C10orf53: variants seen among roughly 807,000 people sequenced by gnomAD.
The protein encoded by C10orf53 is UPF0728 protein C10orf53.
Under a neutral mutation model 9.4 loss-of-function variants are expected in C10orf53, and 8 were observed. The ratio of observed to expected loss-of-function variants is 0.85; its 90% CI spans 0.50 to 1.53. The LOEUF (loss-of-function observed/expected upper bound fraction) is 1.53. Among genes scored for constraint, C10orf53 ranks in the 40% most tolerant of loss-of-function variants. The probability of loss-of-function intolerance (pLI) is 0.00; values close to 1 mark genes in which losing one functional copy is unlikely to be tolerated. For missense variants in C10orf53, 117 were observed against 117.8 expected, an observed-to-expected ratio of 0.99 and a Z score of 0.03; for synonymous variants, 48 against 46.0, an observed-to-expected ratio of 1.04 and a Z score of -0.18.
intron 1 of C10orf53, among the ~76,000 whole-genome samples, chr10:49,680,486 G>A (rs1387307930): frequency 6.6e-6 from 1 of 152,208 alleles, no homozygotes; most frequent in Non-Finnish European, 1.5e-5. Context: ...CAGGCAGAGG[G>A]ACTAATAATA....
intron 1 of C10orf53, among the ~76,000 whole-genome samples, chr10:49,681,050 T>G (rs995178976): frequency 3.9e-5 from 6 of 152,234 alleles, no homozygotes; most frequent in African/African-American, 1.2e-4. Flanking sequence ...ATGGTTCCAC[T>G]TAACGATTTT....
chr10:49,687,053 A>G (rs555264724), intron 1 of C10orf53, among the ~76,000 whole-genome samples: 18 of 152,322 alleles, frequency 1.2e-4, no homozygotes, highest in South Asian at 2.1e-4. Context: ...CTTTTCTTTG[A>G]TTCAGTATTC....
chr10:49,703,479 A>G (rs764988312), intron 2 of C10orf53, among the ~76,000 whole-genome samples: 38 of 152,354 alleles, frequency 2.5e-4, no homozygotes, highest in Non-Finnish European at 4.6e-4. Context: ...TGTTTAGCCA[A>G]GCAGCAGCGT....
At chr10:49,709,147 C>A in exon 3 of C10orf53, 1 of 159,092 alleles carries the variant, frequency 6.3e-6, no homozygotes, top group Non-Finnish European at 1.4e-5. Flanking sequence ...CCTCTCCACA[C>A]TGTGAGTCTT....
chr10:49,704,006 A>C (rs1418961106), intron 2 of C10orf53, among the ~76,000 whole-genome samples: 1 of 152,218 alleles, frequency 6.6e-6, no homozygotes, highest in African/African-American at 2.4e-5. Context: ...CACCATCTGG[A>C]GGAGCAACGC....
chr10:49,696,973 G>A lies in C10orf53; in HGVS notation c.*2371G>A, dbSNP rs1362762235. On this transcript the variant is annotated 3_prime_UTR_variant, in exon 3 of 3. Coordinates refer to ENST00000374111, the MANE Select transcript of C10orf53 (RefSeq NM_001042427.3). ...TTGGGAATCCAAGGTGGGTGGATTT[G>A]TTTGAACACAGGAGTTCGAGAGCAG... 6.6e-6 allele frequency among the ~76,000 whole-genome samples: 1 copy of A among 152,150 alleles called. No homozygotes were observed. Among genetic ancestry groups the A allele is most frequent in the African/African-American group, 2.4e-5 (1 of 41,424 alleles).
chr10:49,705,047 A>T (rs1435836923), intron 2 of C10orf53, among the ~76,000 whole-genome samples: 1 of 152,238 alleles, frequency 6.6e-6, no homozygotes, highest in Non-Finnish European at 1.5e-5. Flanking sequence ...GGTTAAATAA[A>T]ACCTGGTTCA....
At chr10:49,688,650 T>C (rs1321689223) in intron 1 of C10orf53, among the ~76,000 whole-genome samples, 1 of 127,868 alleles carries the variant, frequency 7.8e-6, no homozygotes, top group South Asian at 3.0e-4. Flanking sequence ...CCCTCCTGCT[T>C]CTGCCTATCC....
intron 1 of C10orf53, among the ~76,000 whole-genome samples, chr10:49,683,007 G>A (rs188340445): frequency 2.0e-5 from 3 of 152,180 alleles, no homozygotes; most frequent in Non-Finnish European, 4.4e-5. Flanking sequence ...CCACCTTTCC[G>A]CTACTGTGAA....
chr10:49,693,795 A>G lies in C10orf53; in HGVS notation c.119A>G (p.His40Arg). Reference protein sequence around the residue: ...GLQAVLAIDGHEVILEKIEDW... With the variant: ...GLQAVLAIDGREVILEKIEDW... ...CCAGCTGTGTTGGCCATAGATGGAC[A>G]TGAGGTCATCCTAGAGAAGATAGAA... The change falls in exon 2 of 3, where the codon CAT (histidine) becomes CGT (arginine). Residue 40 changes from histidine (H) to arginine (R), a missense_variant. Physicochemically the swap from His to Arg is conservative, Grantham distance 29. Coordinates refer to ENST00000374111, the MANE Select transcript of C10orf53 (RefSeq NM_001042427.3). The G allele has an allele frequency of 6.2e-7, 1 of 1,613,936 alleles. No individual in the cohort carries two copies. The highest frequency in any genetic ancestry group is 8.5e-7 in the Non-Finnish European group (1 of 1,179,802).
chr10:49,699,442 G>T (rs1319816100), downstream of C10orf53, among the ~76,000 whole-genome samples: 1 of 151,728 alleles, frequency 6.6e-6, no homozygotes, highest in Non-Finnish European at 1.5e-5. Flanking sequence ...CAATCCTCCT[G>T]CCTTAGCCTC....
rs867147058 is a variant in C10orf53, at chr10:49,693,835, G to A, written c.159G>A (p.Val53=). The change falls in exon 2 of 3, where the codon GTG becomes GTA. Residue 53 remains valine (V), a synonymous_variant. Coordinates refer to ENST00000374111, the MANE Select transcript of C10orf53 (RefSeq NM_001042427.3). ...ILEKIEDWNV[V]ELMVNEEVIF... ...AGAAGATAGAAGACTGGAATGTGGTGGAACTCATGGTGAATGAAGAAGTCA... is the reference window on the plus strand; with the variant it reads ...AGAAGATAGAAGACTGGAATGTGGTAGAACTCATGGTGAATGAAGAAGTCA... The A allele has an allele frequency of 1.9e-6, 3 of 1,614,066 alleles. No individual in the cohort carries two copies. Among genetic ancestry groups the A allele is most frequent in the Non-Finnish European group, 2.5e-6 (3 of 1,179,878 alleles).
intron 2 of C10orf53, among the ~76,000 whole-genome samples, chr10:49,702,879 G>C (rs1053002093): frequency 1.1e-4 from 16 of 152,184 alleles, no homozygotes; most frequent in Non-Finnish European, 2.2e-4. Flanking sequence ...TAAGCATGGA[G>C]TGTTCTGGTC....
chr10:49,709,700 G>A lies in C10orf53; in HGVS notation c.*1083G>A, dbSNP rs1031409332. 15 of 152,576 alleles carry A rather than the reference G, an allele frequency of 9.8e-5. 1 individual carries two copies. Among genetic ancestry groups the A allele is most frequent in the African/African-American group, 3.6e-4 (15 of 41,542 alleles). 9.5% of individuals were successfully genotyped at this position (152,576 alleles called of 1,614,324 possible). A position where few individuals can be genotyped will look rare whatever the true frequency, so the allele number is the denominator to read the frequency against. ...TTTACGATCTGAGCCTCACTCACCTGTTCCCTGGCCCACTGCCCACCCCAC... is the reference window on the plus strand; with the variant it reads ...TTTACGATCTGAGCCTCACTCACCTATTCCCTGGCCCACTGCCCACCCCAC... On this transcript the variant is annotated 3_prime_UTR_variant, in exon 3 of 3. Transcript: ENST00000374112.
In C10orf53 at chr10:49,707,317, G is replaced by C. The variant is rs531888148; in HGVS notation, c.218-1044G>C. Reference sequence around the variant, plus strand: ...CTGGGGGCAGAGCCCATATCCACAGGATGGACCCCAATGTTAAGCTTTCCC... The same window carrying C: ...CTGGGGGCAGAGCCCATATCCACAGCATGGACCCCAATGTTAAGCTTTCCC... On this transcript the variant is annotated intron_variant, in intron 2 of 2. Coordinates refer to the C10orf53 transcript ENST00000374112. Among the ~76,000 whole-genome samples the C allele has an allele frequency of 9.8e-5, 15 of 152,302 alleles. 1 individual carries two copies. In the East Asian group the frequency reaches 2.9e-3, roughly 29 times the overall value.
At chr10:49,686,435 G>C (rs961540572) in intron 1 of C10orf53, among the ~76,000 whole-genome samples, 1 of 152,170 alleles carries the variant, frequency 6.6e-6, no homozygotes, top group Non-Finnish European at 1.5e-5. Context: ...AGGGAATGAG[G>C]GAAGATAAAC....
intron 1 of C10orf53, among the ~76,000 whole-genome samples, chr10:49,683,786 C>T (rs1338658130): frequency 6.6e-6 from 1 of 152,136 alleles, no homozygotes; most frequent in East Asian, 1.9e-4. Flanking sequence ...GTCCCAGCTA[C>T]TCAGGAGGCT....
chr10:49,706,613 T>C (rs552723593), intron 2 of C10orf53, among the ~76,000 whole-genome samples: 1 of 152,308 alleles, frequency 6.6e-6, no homozygotes, highest in South Asian at 2.1e-4. Context: ...GTGTTTCTTT[T>C]TTTTTTAACA....
exon 3 of C10orf53, chr10:49,708,520 GTATCCATTTCCAAACCAATCT>G (rs1302787360): frequency 6.2e-7 from 1 of 1,614,196 alleles, no homozygotes; most frequent in African/African-American, 1.3e-5. Flanking sequence ...ATTGGATCAT[GTATCCATTTCCAAACCAATCT>G]TTGTGACCTG....
Sources: gnomAD v4.1 joint callset for allele counts (sites outside exome capture counted in the v4.1 genomes callset) on GRCh38, gnomAD v4.1.1 for gene constraint, MANE v1.5 for transcripts, NCBI Gene and HGNC (gene_info 2026-07-23, HGNC 2026-07-21) for gene names.